NUMB: variants seen among roughly 807,000 people sequenced by gnomAD.
NUMB encodes protein numb homolog.
In NUMB, 29 loss-of-function variants were observed where a neutral mutation model predicts 59.7. The observed-to-expected ratio is 0.49, with a 90% CI of 0.36 to 0.66. NUMB has a LOEUF of 0.66. NUMB is among the 30% of genes least tolerant of loss of function. The pLI is 0.00. For missense variants in NUMB, 723 were observed against 822.0 expected, an observed-to-expected ratio of 0.88 and a Z score of 1.47; for synonymous variants, 288 against 288.2, an observed-to-expected ratio of 1.00 and a Z score of 0.01.
chr14:73,395,307 G>T (rs1896080976), intron 2 of NUMB, among the ~76,000 whole-genome samples: 1 of 151,924 alleles, frequency 6.6e-6, no homozygotes, highest in Non-Finnish European at 1.5e-5. Flanking sequence ...AATAAATGCT[G>T]CAATGAATCC....
intron 4 of NUMB, among the ~76,000 whole-genome samples, chr14:73,338,430 CTAACA>C (rs957176133): frequency 1.9e-4 from 29 of 152,330 alleles, no homozygotes; most frequent in African/African-American, 6.5e-4. Context: ...TGCCATCTCC[CTAACA>C]TAAGTCACAT....
At chr14:73,316,236 T>C (rs1230062236) in intron 6 of NUMB, among the ~76,000 whole-genome samples, 154 bp downstream of exon 6, 4 of 152,196 alleles carry the variant, frequency 2.6e-5, no homozygotes, top group Admixed American at 2.0e-4. Flanking sequence ...ATATCACGGA[T>C]AGTAACTTCC....
At chr14:73,344,676 C>T (rs943137050) in intron 4 of NUMB, among the ~76,000 whole-genome samples, 50 of 152,158 alleles carry the variant, frequency 3.3e-4, no homozygotes, top group African/African-American at 1.1e-3. Context: ...TCTTATTTAA[C>T]AGTGAGTTAA....
intron 1 of NUMB, among the ~76,000 whole-genome samples, chr14:73,442,156 C>A (rs1474308131): frequency 2.0e-5 from 3 of 150,228 alleles, no homozygotes; most frequent in Non-Finnish European, 3.0e-5. Context: ...TCAAGACCAG[C>A]CTGGGAAACA....
chr14:73,307,687 G>A (rs78460487), intron 6 of NUMB, among the ~76,000 whole-genome samples: 9,570 of 151,314 alleles, frequency 0.063, 757 homozygotes, highest in African/African-American at 0.18. Context: ...GGAAGCTACT[G>A]GAGGACATGG....
At chr14:73,391,283 CTTT>C (rs369541360) in intron 2 of NUMB, among the ~76,000 whole-genome samples, 3 of 133,798 alleles carry the variant, frequency 2.2e-5, no homozygotes, top group Admixed American at 7.4e-5. Flanking sequence ...GATTTTTTTT[CTTT>C]TTTTTTTTTT....
chr14:73,405,499 A>G (rs1181357438), intron 2 of NUMB, among the ~76,000 whole-genome samples: 1 of 142,080 alleles, frequency 7.0e-6, no homozygotes, highest in African/African-American at 2.7e-5. Flanking sequence ...ATGCAGTGGC[A>G]CAATCACAGC....
At position 73,277,214 on chromosome 14, in the gene NUMB, G is replaced by A. The variant is rs762666896; in HGVS notation, c.1320C>T (p.Ala440=). Residue 440 remains alanine, a synonymous_variant, in exon 13 of 13, where the codon GCC becomes GCT. Transcript: ENST00000555238. ...TAGACACCTCTTCTAACCATCGGTC[G>A]GCCTCAGAGGGAGTACGTCTATGAC... ...QAGHRRTPSE[A]DRWLEEVSKS... is the part of the protein sequence containing the mutation. 28 of 1,613,892 alleles carry A rather than the reference G, an allele frequency of 1.7e-5. No individual in the cohort carries two copies. In the East Asian group the frequency reaches 3.3e-4, roughly 19 times the overall value.
At chr14:73,447,587 C>T (rs1329704342) in intron 1 of NUMB, among the ~76,000 whole-genome samples, 1 of 149,642 alleles carries the variant, frequency 6.7e-6, no homozygotes, top group Non-Finnish European at 1.5e-5. Flanking sequence ...CTTATAATCC[C>T]AGCACTTTGG....
intron 2 of NUMB, among the ~76,000 whole-genome samples, chr14:73,368,568 A>C (rs1452051567): frequency 6.6e-6 from 1 of 151,768 alleles, no homozygotes; most frequent in African/African-American, 2.4e-5. Context: ...GGGCAACAAG[A>C]GCAAGACTCC....
At chr14:73,375,406 C>G (rs1445738714) in intron 2 of NUMB, among the ~76,000 whole-genome samples, 1 of 152,118 alleles carries the variant, frequency 6.6e-6, no homozygotes, top group Admixed American at 6.6e-5. Context: ...GGTAACATAG[C>G]CTCTAAGTAG....
chr14:73,372,710 T>C (rs1346088383), intron 2 of NUMB, among the ~76,000 whole-genome samples: 1 of 151,998 alleles, frequency 6.6e-6, no homozygotes, highest in Non-Finnish European at 1.5e-5. Context: ...AAATTGCTAA[T>C]TCATACCACT....
At chr14:73,367,354 G>T (rs1488375914) in intron 2 of NUMB, among the ~76,000 whole-genome samples, 89 of 131,396 alleles carry the variant, frequency 6.8e-4, no homozygotes, top group East Asian at 1.5e-3. Flanking sequence ...TATATAGAGA[G>T]AGAGAGAGAG....
intron 6 of NUMB, 187 bp from the exon 7 acceptor site, chr14:73,297,472 G>T: frequency 2.2e-6 from 1 of 456,158 alleles, no homozygotes; most frequent in African/African-American, 2.0e-5. Flanking sequence ...GAAAAAACAA[G>T]CCAAAGCCAT....
intron 3 of NUMB, among the ~76,000 whole-genome samples, chr14:73,363,538 A>G (rs73309059): frequency 0.028 from 4,213 of 152,148 alleles, 153 homozygotes; most frequent in South Asian, 0.16. Context: ...TTTCAGGGGG[A>G]AAAAAATAGT....
At chr14:73,359,775 T>G (rs562685181) in intron 3 of NUMB, among the ~76,000 whole-genome samples, 2 of 152,342 alleles carry the variant, frequency 1.3e-5, no homozygotes, top group African/African-American at 4.8e-5. Flanking sequence ...TAAAAACAGC[T>G]CTGCTTCCCT....
chr14:73,339,991 G>C (rs1001135100), intron 4 of NUMB, among the ~76,000 whole-genome samples: 3 of 151,476 alleles, frequency 2.0e-5, no homozygotes, highest in Non-Finnish European at 4.4e-5. Context: ...TGGAAGTGGT[G>C]GGGGGGACAC....
At chr14:73,318,849 T>C (rs1891228293) in intron 5 of NUMB, among the ~76,000 whole-genome samples, 1 of 152,202 alleles carries the variant, frequency 6.6e-6, no homozygotes, top group Non-Finnish European at 1.5e-5. Flanking sequence ...GTTATAATAT[T>C]TTTTTCATTT....
rs141068096 is a variant in NUMB at position 73,374,941 on chromosome 14, G to C, written c.-100-7960C>G. ...TCACCATGTTGGCCAGGCTGGTCTC[G>C]AACTCCTGACCTCAGCTGATCTGCC... On this transcript the variant is annotated intron_variant, in intron 2 of 12. Coordinates refer to ENST00000555238, the MANE Select transcript of NUMB (RefSeq NM_001005743.2). 9.5e-3 allele frequency among the ~76,000 whole-genome samples: 1,437 copies of C among 151,886 alleles called. 27 individuals are homozygous for C. The highest frequency in any genetic ancestry group is 0.033 in the African/African-American group (1,356 of 41,440).
Sources: allele counts gnomAD v4.1 joint callset (sites outside exome capture counted in the v4.1 genomes callset), GRCh38; gene constraint gnomAD v4.1.1; transcripts MANE v1.5; gene names NCBI Gene and HGNC (gene_info 2026-07-23, HGNC 2026-07-21).